The following SMTN variants were observed in gnomAD, a reference collection of about 807,000 sequenced individuals.
The protein encoded by SMTN is smoothelin.
In SMTN, 58 loss-of-function variants were observed where a neutral mutation model predicts 102.0. The observed-to-expected ratio is 0.57, with a 90% CI of 0.46 to 0.71. The LOEUF (loss-of-function observed/expected upper bound fraction) is 0.71. SMTN is among the 30% of genes least tolerant of loss of function. The pLI is 0.00. For missense variants in SMTN, 1,185 were observed against 1,241.7 expected (o/e 0.95, Z 0.69); for synonymous variants, 478 against 497.9 (o/e 0.96, Z 0.53).
At chr22:31,085,890 T>C (rs1191872176) in intron 2 of SMTN, among the ~76,000 whole-genome samples, 1 of 152,216 alleles carries the variant, frequency 6.6e-6, no homozygotes, top group East Asian at 1.9e-4. Context: ...GGGGTTGTGC[T>C]GTAGAGGTGG....
At chr22:31,074,795 CAAAAAACAACAA>C (rs1281257540) in intron 1 of SMTN, among the ~76,000 whole-genome samples, 2 of 142,462 alleles carry the variant, frequency 1.4e-5, no homozygotes, top group African/African-American at 5.8e-5. Flanking sequence ...GAAACTGTCT[CAAAAAACAACAA>C]AAACAACAAC....
In SMTN at chr22:31,096,820, C is replaced by T. The variant is rs2043624166; in HGVS notation, c.1949C>T (p.Thr650Ile). The change falls in exon 14 of 21, where the codon ACC becomes ATC. Residue 650 changes from threonine (T) to isoleucine (I), a missense_variant. By Grantham distance (89) the Thr-to-Ile change is moderately conservative. This residue lies in a region of SMTN where 1,096 missense variants were observed against 1,112.7 expected (regional missense o/e 0.98). Coordinates refer to ENST00000333137, the MANE Select transcript of SMTN (RefSeq NM_134269.3). ...CGCGGCAACACAGCCACTGAGACCA[C>T]CACGAGGCACAGCCAGCGGGCAGCT... is the stretch of plus-strand genomic sequence containing the variant. ...EGRGNTATET[T>I]TRHSQRAADG... 6.4e-7 allele frequency: 1 copy of T among 1,574,584 alleles called. No homozygotes were observed. Among genetic ancestry groups the T allele is most frequent in the East Asian group, 2.3e-5 (1 of 44,424 alleles).
chr22:31,093,692 G>C, intron 11 of SMTN: 1 of 960,362 alleles, frequency 1.0e-6, no homozygotes, highest in Middle Eastern at 2.1e-4. Context: ...CTGAGCCTAC[G>C]GCTGGGGGTC....
rs2042994383 is a variant in SMTN at position 31,089,992 on chromosome 22, C to G, written c.765C>G (p.Pro255=). The stretch of plus-strand genomic sequence containing the variant: ...AGCCTCAGGAGTCTCCAACGCTCCC[C>G]AGCACTGAGGGCCAGGTGGTCAACA... ...SPEPQESPTL[P]STEGQVVNKL... The change falls in exon 7 of 21, where the codon CCC becomes CCG. Residue 255 remains proline (P), a synonymous_variant. Coordinates refer to ENST00000333137, the MANE Select transcript of SMTN (RefSeq NM_134269.3). The G allele has an allele frequency of 6.2e-7, 1 of 1,603,918 alleles. No individual in the cohort carries two copies. Among genetic ancestry groups the G allele is most frequent in the African/African-American group, 1.3e-5 (1 of 74,600 alleles).
At chr22:31,100,839 TCCTGCCCCCGTCCCCCACCCCTTC>T in intron 19 of SMTN, 22 bp from the exon 20 acceptor site, 1 of 677,628 alleles carries the variant, frequency 1.5e-6, no homozygotes, top group Non-Finnish European at 2.5e-6. Context: ...GGCCCTGGCC[TCCTGCCCCCGTCCCCCACCCCTTC>T]CCGGCCCCCT....
rs770933566 is a variant in SMTN at position 31,099,075 on chromosome 22, C to A, written c.2347C>A (p.Pro783Thr). 2 of 1,612,030 alleles carry A rather than the reference C, an allele frequency of 1.2e-6. No individual in the cohort carries two copies. The highest frequency in any genetic ancestry group is 3.3e-5 in the Admixed American group (2 of 60,028). The change falls in exon 18 of 21, where the codon CCC becomes ACC. Residue 783 changes from proline (P) to threonine (T), a missense_variant. Transcript: ENST00000333137. The part of the protein sequence containing the change: ...KEGAAGSPGG[P>T]RAAVQRSTSF... Reference sequence around the variant, plus strand: ...CCGCCCCTACAGCAGCCCTGGCGGACCCCGCGCAGCCGTGCAGCGATCCAC... The same window carrying A: ...CCGCCCCTACAGCAGCCCTGGCGGAACCCGCGCAGCCGTGCAGCGATCCAC...
intron 20 of SMTN, 94 bp downstream of exon 20, chr22:31,101,143 G>A (rs1327967945): frequency 8.1e-7 from 1 of 1,242,084 alleles, no homozygotes; most frequent in Non-Finnish European, 1.1e-6. Context: ...GGGAAGTAAG[G>A]GGGGCATTTA....
In SMTN at chr22:31,094,008, T is replaced by C. The variant is rs565557164; in HGVS notation, c.1633-1295T>C. The C allele has an allele frequency of 5.9e-5, 40 of 683,468 alleles. 1 individual carries two copies. Among genetic ancestry groups the C allele is most frequent in the Middle Eastern group, 3.6e-4 (1 of 2,786 alleles). The allele number at this position is 683,468 out of a possible 1,614,324, so 42.3% of individuals were successfully genotyped here. A position where few individuals can be genotyped will look rare whatever the true frequency, so the allele number is the denominator to read the frequency against. ...ACAGGGGACTGGGGCACTAGTGCTC[T>C]AAGACTAGGGCAAGAGGGTGCCAGG... is the stretch of plus-strand genomic sequence containing the variant. On this transcript the variant is annotated intron_variant, in intron 11 of 20. Transcript: ENST00000333137.
chr22:31,076,285 G>A (rs1178340057), intron 1 of SMTN, among the ~76,000 whole-genome samples: 6 of 152,224 alleles, frequency 3.9e-5, no homozygotes, highest in Non-Finnish European at 5.9e-5. Context: ...GGCCAGGCCT[G>A]CGTGGAAACT....
intron 19 of SMTN, 30 bp from the exon 20 acceptor site, chr22:31,100,855 C>T (rs2044026498): frequency 1.8e-6 from 2 of 1,091,612 alleles, no homozygotes; most frequent in African/African-American, 1.6e-5. Context: ...CCCCGTCCCC[C>T]ACCCCTTCCC....
At chr22:31,093,623 G>C (rs949719595) in intron 11 of SMTN, 1 of 766,084 alleles carries the variant, frequency 1.3e-6, no homozygotes, top group Non-Finnish European at 2.4e-6. Context: ...GAAGAGCTGC[G>C]GGCAGAGAGA....
At chr22:31,104,196 C>T in intron 20 of SMTN, 120 bp from the exon 21 acceptor site, 2 of 1,198,602 alleles carry the variant, frequency 1.7e-6, no homozygotes. Context: ...AGGCTTTTCC[C>T]TGTCTGGAGT....
At chr22:31,096,407 C>A in intron 13 of SMTN, 1 of 260,396 alleles carries the variant, frequency 3.8e-6, no homozygotes, top group Admixed American at 5.2e-5. Flanking sequence ...ACTCAGCTAC[C>A]CCCTCACTAG....
chr22:31,095,641 G>T lies in SMTN; in HGVS notation c.1861+32G>T. The T allele has an allele frequency of 1.3e-6, 2 of 1,579,342 alleles. No individual in the cohort carries two copies. Among genetic ancestry groups the T allele is most frequent in the Non-Finnish European group, 1.7e-6 (2 of 1,158,340 alleles). On this transcript the variant is annotated intron_variant, in intron 13 of 20. Transcript: ENST00000333137. This position sits in a 1 kb window ranked among gnomAD's most constrained non-coding sequence, Gnocchi z 4.1. Reference sequence around the variant, plus strand: ...AGCCAGTTGCCCTACCCTAGATCCAGCTGCCCCATTCCCCAGCTGCTCCCC... The same window carrying T: ...AGCCAGTTGCCCTACCCTAGATCCATCTGCCCCATTCCCCAGCTGCTCCCC...
At chr22:31,077,605 C>T (rs1370271629), upstream of SMTN, among the ~76,000 whole-genome samples, 1 of 149,462 alleles carries the variant, frequency 6.7e-6, no homozygotes, top group African/African-American at 2.5e-5. Flanking sequence ...CCACTCCCTG[C>T]GCCCAGGCAT....
Position 31,098,796 on chromosome 22 carries a change from G to C in SMTN, c.2289G>C (p.Ala763=). The change falls in exon 17 of 21, where the codon GCG becomes GCC. Residue 763 remains alanine (A), a synonymous_variant. Transcript: ENST00000333137. ...TGCCCAAGACCTCAGCCTCCCAGGCGCGCAAGGCCATGATTGAGAAGCTGG... is the reference window on the plus strand; with the variant it reads ...TGCCCAAGACCTCAGCCTCCCAGGCCCGCAAGGCCATGATTGAGAAGCTGG... The part of the protein sequence containing the change: ...QSLPKTSASQ[A]RKAMIEKLEK... 6.2e-7 allele frequency: 1 copy of C among 1,612,682 alleles called. No homozygotes were observed. Among genetic ancestry groups the C allele is most frequent in the South Asian group, 1.1e-5 (1 of 90,990 alleles).
intron 19 of SMTN, 133 bp from the exon 20 acceptor site, chr22:31,100,752 G>C (rs1260440551): frequency 1.6e-6 from 1 of 610,884 alleles, no homozygotes; most frequent in Non-Finnish European, 3.0e-6. Flanking sequence ...ATGTCTCTGT[G>C]TGTGTGTGTG....
upstream of SMTN, among the ~76,000 whole-genome samples, chr22:31,078,501 T>G (rs1237775511): frequency 6.6e-6 from 1 of 152,228 alleles, no homozygotes; most frequent in East Asian, 1.9e-4. Context: ...CACCTCATTT[T>G]ACAGGGGGCA....
chr22:31,091,356 C>T lies in SMTN; in HGVS notation c.1333C>T (p.Pro445Ser). The T allele has an allele frequency of 1.9e-6, 3 of 1,605,904 alleles. No individual in the cohort carries two copies. The highest frequency in any genetic ancestry group is 1.7e-5 in the Admixed American group (1 of 59,232). Residue 445 changes from proline (P) to serine (S), a missense_variant, in exon 10 of 21, where the codon CCC becomes TCC. By Grantham distance (74) the Pro-to-Ser change is moderately conservative. Around this residue, in one of 2 missense-constraint regions of SMTN, gnomAD observed 1,096 missense variants for 1,112.7 expected, o/e 0.98. Transcript: ENST00000333137. ...ARSEEPGAPL[P>S]VAVGTAEPGG... Reference sequence around the variant, plus strand: ...TTCAGAGGAGCCTGGTGCCCCGCTGCCCGTGGCCGTCGGCACTGCCGAGCC... The same window carrying T: ...TTCAGAGGAGCCTGGTGCCCCGCTGTCCGTGGCCGTCGGCACTGCCGAGCC...
Sources: gnomAD v4.1 joint callset for allele counts (sites outside exome capture counted in the v4.1 genomes callset) on GRCh38, gnomAD v4.1.1 for gene constraint, gnomAD v4.1.1 regional missense constraint, Gnocchi (gnomAD v3.1) non-coding constraint, MANE v1.5 for transcripts, NCBI Gene and HGNC (gene_info 2026-07-23, HGNC 2026-07-21) for gene names.